The following CCDC134 variants were observed in gnomAD, a reference collection of about 807,000 sequenced individuals.
CCDC134 encodes coiled-coil domain containing 134.
Under a neutral mutation model 25.6 loss-of-function variants are expected in CCDC134, and 27 were observed. The ratio of observed to expected loss-of-function variants is 1.05; its 90% CI spans 0.78 to 1.45. The LOEUF (loss-of-function observed/expected upper bound fraction) is 1.45. Ranked by LOEUF, CCDC134 falls within the 40% of genes most tolerant of loss-of-function variation. The pLI is 0.00. For synonymous variants in CCDC134, 110 were observed against 115.0 expected, an observed-to-expected ratio of 0.96 and a Z score of 0.28; for missense variants, 261 against 286.7, an observed-to-expected ratio of 0.91 and a Z score of 0.65.
intron 6 of CCDC134, among the ~76,000 whole-genome samples, chr22:41,819,025 C>T (rs2076636008): frequency 6.6e-6 from 1 of 152,172 alleles, no homozygotes; most frequent in Non-Finnish European, 1.5e-5. Flanking sequence ...TCTACTTGGA[C>T]ATAACCACAG....
At chr22:41,807,363 G>C (rs560850729) in intron 1 of CCDC134, among the ~76,000 whole-genome samples, 6 of 152,240 alleles carry the variant, frequency 3.9e-5, no homozygotes, top group African/African-American at 1.4e-4. Flanking sequence ...AGGAGTTCAA[G>C]ACTAGCCTGG....
intron 6 of CCDC134, among the ~76,000 whole-genome samples, chr22:41,814,380 A>G (rs887636316): frequency 6.6e-6 from 1 of 152,162 alleles, no homozygotes; most frequent in Non-Finnish European, 1.5e-5. Context: ...AGCCTGGCCA[A>G]TATGGTGAAA....
intron 6 of CCDC134, among the ~76,000 whole-genome samples, chr22:41,816,594 T>C (rs2076623847): frequency 6.6e-6 from 1 of 152,170 alleles, no homozygotes; most frequent in Non-Finnish European, 1.5e-5. Flanking sequence ...AAAGAGAACA[T>C]TAATTGTTCC....
chr22:41,819,996 T>TATATATATATAG (rs1019930583), intron 6 of CCDC134, among the ~76,000 whole-genome samples: 35 of 132,366 alleles, frequency 2.6e-4, no homozygotes, highest in African/African-American at 1.0e-3. Flanking sequence ...TATATATATA[T>TATATATATATAG]ATAATTTTTT....
rs1483681732 is a variant in CCDC134, at chr22:41,827,655, A to G, written c.*1832A>G. 6.6e-6 allele frequency among the ~76,000 whole-genome samples: 1 copy of G among 152,214 alleles called. No individual in the cohort carries two copies. Among genetic ancestry groups the G allele is most frequent in the Non-Finnish European group, 1.5e-5 (1 of 68,028 alleles). ...TAAATGGAAAGGATGAAGTAAATTT[A>G]CAAATTCATTTACAGCATATACCCT... On this transcript the variant is annotated 3_prime_UTR_variant, in exon 7 of 7. Transcript: ENST00000255784.
chr22:41,816,896 G>A (rs1382375079), intron 6 of CCDC134, among the ~76,000 whole-genome samples: 2 of 152,046 alleles, frequency 1.3e-5, no homozygotes, highest in East Asian at 3.9e-4. Flanking sequence ...CCAGCCTGGC[G>A]ACTGAGTGAG....
chr22:41,827,931 G>A lies in CCDC134; in HGVS notation c.*2108G>A, dbSNP rs182656372. ...TGTGGTTGCTGACTTAGCAGAGAAGGTGCTTGGCTTTCCCCTTAACTGGAG... is the reference window on the plus strand; with the variant it reads ...TGTGGTTGCTGACTTAGCAGAGAAGATGCTTGGCTTTCCCCTTAACTGGAG... On this transcript the variant is annotated 3_prime_UTR_variant, in exon 7 of 7. Transcript: ENST00000255784. 3.5e-4 allele frequency among the ~76,000 whole-genome samples: 53 copies of A among 152,332 alleles called. No individual in the cohort carries two copies. The highest frequency in any genetic ancestry group is 1.2e-3 in the African/African-American group (51 of 41,566).
intron 6 of CCDC134, among the ~76,000 whole-genome samples, chr22:41,819,005 C>T (rs1325150472): frequency 5.9e-5 from 9 of 152,174 alleles, no homozygotes; most frequent in Non-Finnish European, 1.3e-4. Flanking sequence ...CCAGCTTTAT[C>T]ATAACGTATT....
intron 1 of CCDC134, among the ~76,000 whole-genome samples, chr22:41,804,756 A>G (rs953983939): frequency 3.3e-5 from 5 of 152,214 alleles, no homozygotes; most frequent in African/African-American, 1.2e-4. Flanking sequence ...AATATAAGCA[A>G]TATTTGTTGT....
rs2076697670 is a variant in CCDC134, at chr22:41,829,989, T to A, written c.*4166T>A. Among the ~76,000 whole-genome samples, 1 of 152,164 alleles carries A rather than the reference T, an allele frequency of 6.6e-6. No homozygotes were observed. Among genetic ancestry groups the A allele is most frequent in the African/African-American group, 2.4e-5 (1 of 41,434 alleles). On this transcript the variant is annotated 3_prime_UTR_variant, in exon 7 of 7. Coordinates refer to ENST00000255784, the MANE Select transcript of CCDC134 (RefSeq NM_024821.5). ...GGTTTCACCATATTGGCCAGGATGG[T>A]CTCGATCTCTTGACTTCGTGATCTG...
chr22:41,825,104 C>A lies in CCDC134; in HGVS notation c.565-594C>A, dbSNP rs2076670254. Among the ~76,000 whole-genome samples the A allele has an allele frequency of 2.0e-5, 3 of 152,052 alleles. No individual in the cohort carries two copies. The highest frequency in any genetic ancestry group is 2.0e-4 in the Admixed American group (3 of 15,266). Reference sequence around the variant, plus strand: ...GCATTTGGGACATCCTAAAGGAGGTCTCAGACAGGCATTTGGAAATGGAGA... The same window carrying A: ...GCATTTGGGACATCCTAAAGGAGGTATCAGACAGGCATTTGGAAATGGAGA... On this transcript the variant is annotated intron_variant, in intron 6 of 6. Coordinates refer to ENST00000255784, the MANE Select transcript of CCDC134 (RefSeq NM_024821.5). The surrounding 1 kb of genome is among the most constrained non-coding windows in gnomAD (Gnocchi z 4.4).
At chr22:41,823,406 A>G (rs558235893) in intron 6 of CCDC134, among the ~76,000 whole-genome samples, 1 of 151,844 alleles carries the variant, frequency 6.6e-6, no homozygotes, top group Non-Finnish European at 1.5e-5. Context: ...TGTATTTTTC[A>G]GTAGAGACAA....
In CCDC134 at chr22:41,827,485, G is replaced by A. The variant is rs149733432; in HGVS notation, c.*1662G>A. Among the ~76,000 whole-genome samples, 240 of 152,298 alleles carry A rather than the reference G, an allele frequency of 1.6e-3. 1 individual carries two copies. The highest frequency in any genetic ancestry group is 5.6e-3 in the African/African-American group (233 of 41,536). ...GGGCAAAATGCACAAAGCAAGGAAG[G>A]AATGAAGGGTTTTACTGAGAATGAA... On this transcript the variant is annotated 3_prime_UTR_variant, in exon 7 of 7. Coordinates refer to ENST00000255784, the MANE Select transcript of CCDC134 (RefSeq NM_024821.5).
intron 6 of CCDC134, among the ~76,000 whole-genome samples, chr22:41,823,332 C>T (rs2076661116): frequency 6.7e-6 from 1 of 148,896 alleles, no homozygotes; most frequent in African/African-American, 2.5e-5. Flanking sequence ...TCAGGTGATT[C>T]TCCTGTCTCA....
intron 6 of CCDC134, among the ~76,000 whole-genome samples, chr22:41,824,666 A>C (rs1356078588): frequency 6.6e-6 from 1 of 152,180 alleles, no homozygotes; most frequent in Non-Finnish European, 1.5e-5. Context: ...AGGCTGAGGC[A>C]GGAGAATCGG....
Position 41,826,905 on chromosome 22 carries a change from A to G in CCDC134, c.*1082A>G, listed in dbSNP as rs2076682387. On this transcript the variant is annotated 3_prime_UTR_variant, in exon 7 of 7. Coordinates refer to ENST00000255784, the MANE Select transcript of CCDC134 (RefSeq NM_024821.5). ...TCTGCCTCTTAAAGGAGCAGAGAAAACCATCCCAGATCCCCTCGACACCCA... is the reference window on the plus strand; with the variant it reads ...TCTGCCTCTTAAAGGAGCAGAGAAAGCCATCCCAGATCCCCTCGACACCCA... 6.6e-6 allele frequency among the ~76,000 whole-genome samples: 1 copy of G among 152,218 alleles called. No homozygotes were observed. Among genetic ancestry groups the G allele is most frequent in the Non-Finnish European group, 1.5e-5 (1 of 68,026 alleles).
intron 6 of CCDC134, among the ~76,000 whole-genome samples, chr22:41,821,528 T>C (rs7290899): frequency 1.1e-4 from 17 of 150,962 alleles, no homozygotes; most frequent in African/African-American, 3.7e-4. Flanking sequence ...GTGTTCTCAT[T>C]GTTCAATTCC....
At chr22:41,807,053 A>C (rs1188421821) in intron 1 of CCDC134, among the ~76,000 whole-genome samples, 1 of 152,096 alleles carries the variant, frequency 6.6e-6, no homozygotes, top group Non-Finnish European at 1.5e-5. Context: ...GTCTCAAAAA[A>C]ACAAAACAAA....
At chr22:41,815,978 G>A (rs1395123780) in intron 6 of CCDC134, among the ~76,000 whole-genome samples, 1 of 152,116 alleles carries the variant, frequency 6.6e-6, no homozygotes, top group African/African-American at 2.4e-5. Context: ...ACAGGGTCCT[G>A]GACTCAACCA....
Sources: gnomAD v4.1 joint callset for allele counts (sites outside exome capture counted in the v4.1 genomes callset) on GRCh38, gnomAD v4.1.1 for gene constraint, Gnocchi (gnomAD v3.1) non-coding constraint, MANE v1.5 for transcripts, NCBI Gene and HGNC (gene_info 2026-07-23, HGNC 2026-07-21) for gene names.